Variants in OTUD6B observed in about 807,000 individuals in gnomAD.
OTUD6B encodes deubiquitinase OTUD6B.
Under a neutral mutation model 36.9 loss-of-function variants are expected in OTUD6B, and 41 were observed. The observed-to-expected ratio is 1.11, with a 90% CI of 0.87 to 1.44. The LOEUF is 1.44. Ranked by LOEUF, OTUD6B falls within the 40% of genes most tolerant of loss-of-function variation. The pLI is 0.00. For synonymous variants in OTUD6B, 114 were observed against 114.2 expected (o/e 1.00, Z 0.01); for missense variants, 356 against 344.8 (o/e 1.03, Z -0.26).
intron 3 of OTUD6B, among the ~76,000 whole-genome samples, chr8:91,075,517 CG>C (rs951319325): frequency 9.9e-5 from 15 of 152,012 alleles, no homozygotes; most frequent in African/African-American, 3.4e-4. Context: ...ACAAACAAAA[CG>C]AAAACTCCCT....
In OTUD6B at chr8:91,084,985, T is replaced by C. The variant is rs1812985509; in HGVS notation, c.*117T>C. ...ACACAACTACCTTATATCAGTTTTA[T>C]GGCAAAGCTACTAACAGGTGTTTTT... On this transcript the variant is annotated 3_prime_UTR_variant, in exon 7 of 7. Coordinates refer to ENST00000404789, the MANE Select transcript of OTUD6B (RefSeq NM_016023.5). 4.6e-6 allele frequency: 2 copies of C among 436,238 alleles called. No individual in the cohort carries two copies. Among genetic ancestry groups the C allele is most frequent in the Non-Finnish European group, 8.3e-6 (2 of 241,604 alleles). 27.0% of individuals were successfully genotyped at this position (436,238 alleles called of 1,614,324 possible). A position where few individuals can be genotyped will look rare whatever the true frequency, so the allele number is the denominator to read the frequency against.
intron 4 of OTUD6B, among the ~76,000 whole-genome samples, chr8:91,079,495 A>G (rs545345460): frequency 5.9e-5 from 9 of 152,092 alleles, no homozygotes; most frequent in Non-Finnish European, 7.4e-5. Context: ...GGCTTAAGGT[A>G]TCTGTTGATA....
At chr8:91,083,951 A>AT in intron 5 of OTUD6B, 57 bp from the exon 6 acceptor site, 1 of 1,539,674 alleles carries the variant, frequency 6.5e-7, no homozygotes, top group Non-Finnish European at 8.8e-7. Flanking sequence ...GTTCACACAT[A>AT]TTTGAATGTG....
At chr8:91,083,399 A>G (rs78732859) in intron 5 of OTUD6B, among the ~76,000 whole-genome samples, 2,197 of 152,216 alleles carry the variant, frequency 0.014, 66 homozygotes, top group African/African-American at 0.05. Flanking sequence ...TACCTAGTCT[A>G]CCCATTGCCC....
At chr8:91,074,054 T>A (rs574730485) in intron 3 of OTUD6B, 143 bp downstream of exon 3, 2 of 522,276 alleles carry the variant, frequency 3.8e-6, no homozygotes, top group East Asian at 6.3e-5. Context: ...TAACATTTAT[T>A]AAGCACCTGC....
intron 3 of OTUD6B, chr8:91,076,670 T>C: frequency 3.4e-6 from 5 of 1,453,208 alleles, no homozygotes; most frequent in Non-Finnish European, 4.7e-6. Flanking sequence ...TTTGGAAATC[T>C]TTCTGCGTGC....
At position 91,073,976 on chromosome 8, in the gene OTUD6B, A is replaced by G. The variant is rs541138478; in HGVS notation, c.315+65A>G. The stretch of plus-strand genomic sequence containing the variant: ...TGTGTTCAATACTATCTTAGGTACT[A>G]TCTTAGGTCTTGTTATAGGAAGAGA... On this transcript the variant is annotated intron_variant, in intron 3 of 6. Coordinates refer to ENST00000404789, the MANE Select transcript of OTUD6B (RefSeq NM_016023.5). 11 of 1,057,422 alleles carry G rather than the reference A, an allele frequency of 1.0e-5. No homozygotes were observed. The East Asian group carries it at 2.4e-4, about 23-fold the overall frequency. The allele number at this position is 1,057,422 out of a possible 1,614,324, so 65.5% of individuals were successfully genotyped here.
intron 3 of OTUD6B, among the ~76,000 whole-genome samples, chr8:91,074,591 A>G (rs985000989): frequency 6.6e-6 from 1 of 152,082 alleles, no homozygotes; most frequent in Non-Finnish European, 1.5e-5. Context: ...CTATAAGGAA[A>G]CTGATTTATT....
intron 5 of OTUD6B, among the ~76,000 whole-genome samples, chr8:91,082,870 G>C (rs1417166618): frequency 2.7e-5 from 4 of 149,928 alleles, no homozygotes; most frequent in African/African-American, 9.9e-5. Context: ...ATCATGCCTG[G>C]TTAATTTTTG....
chr8:91,072,467 T>G lies in OTUD6B; in HGVS notation c.234+1178T>G, dbSNP rs189678983. On this transcript the variant is annotated intron_variant, in intron 2 of 6. Coordinates refer to ENST00000404789, the MANE Select transcript of OTUD6B (RefSeq NM_016023.5). ...ACCTCACTCCATCTTTGATAGAAAG[T>G]TCTTATGTCTATGTAAAATCTTAAT... Among the ~76,000 whole-genome samples the G allele has an allele frequency of 3.3e-5, 5 of 152,336 alleles. No individual in the cohort carries two copies. The East Asian group carries it at 9.6e-4, about 29-fold the overall frequency.
chr8:91,082,616 A>T (rs1171127296), intron 5 of OTUD6B, among the ~76,000 whole-genome samples: 1 of 151,830 alleles, frequency 6.6e-6, no homozygotes, highest in Non-Finnish European at 1.5e-5. Flanking sequence ...CAAGTCTTGT[A>T]ACCCTTTTTT....
rs1812850622 is a variant in OTUD6B, at chr8:91,078,910, T to C, written c.628+242T>C. The C allele has an allele frequency of 2.8e-5, 9 of 324,280 alleles. No individual in the cohort carries two copies. The South Asian group carries it at 6.0e-4, about 22-fold the overall frequency. The allele number at this position is 324,280 out of a possible 1,614,324, so 20.1% of individuals were successfully genotyped here. ...AATATGCTAATCATTTTATGTAAGA[T>C]AGAAGTAGGAATAAGAGTCATTTTT... On this transcript the variant is annotated intron_variant, in intron 4 of 6. Coordinates refer to ENST00000404789, the MANE Select transcript of OTUD6B (RefSeq NM_016023.5).
chr8:91,070,370 G>T lies in OTUD6B; in HGVS notation c.-15G>T. 6.2e-7 allele frequency: 1 copy of T among 1,612,014 alleles called. No homozygotes were observed. Among genetic ancestry groups the T allele is most frequent in the Non-Finnish European group, 8.5e-7 (1 of 1,179,086 alleles). ...CAGGTTTCTTCTAGCGCGTGTGCTG[G>T]GGTACCTGGTCGTCATGGAGGCGGT... On this transcript the variant is annotated 5_prime_UTR_variant, in exon 1 of 7. Coordinates refer to ENST00000404789, the MANE Select transcript of OTUD6B (RefSeq NM_016023.5).
At chr8:91,073,786 A>C in intron 2 of OTUD6B, 45 bp from the exon 3 acceptor site, 2 of 1,490,974 alleles carry the variant, frequency 1.3e-6, no homozygotes, top group Non-Finnish European at 9.0e-7. Flanking sequence ...ATTTTCAGTA[A>C]TTTAATAAGT....
chr8:91,083,111 A>C (rs1039540101), intron 5 of OTUD6B, among the ~76,000 whole-genome samples: 4 of 152,182 alleles, frequency 2.6e-5, no homozygotes, highest in African/African-American at 9.6e-5. Flanking sequence ...GTATGAAATT[A>C]CTTAAAATTG....
intron 6 of OTUD6B, 62 bp from the exon 7 acceptor site, chr8:91,084,722 A>G: frequency 8.0e-7 from 1 of 1,250,794 alleles, no homozygotes; most frequent in Non-Finnish European, 1.1e-6. Context: ...TATAATAAGC[A>G]TATATATATA....
In OTUD6B at chr8:91,071,277, TAAG is replaced by T. The variant is rs771697852; in HGVS notation, c.223_225del (p.Lys75del). 1 of 1,610,398 alleles carries T rather than the reference TAAG, an allele frequency of 6.2e-7. No homozygotes were observed. Among genetic ancestry groups the T allele is most frequent in the Non-Finnish European group, 8.5e-7 (1 of 1,178,764 alleles). ...AACTGGAGCAATTGAAGCTGACTAC[TAAG>T]GAGAATAAGGTATGTGAAATAAATG... On this transcript the variant is annotated inframe_deletion, in exon 2 of 7. Coordinates refer to ENST00000404789, the MANE Select transcript of OTUD6B (RefSeq NM_016023.5).
intron 6 of OTUD6B, among the ~76,000 whole-genome samples, chr8:91,084,404 T>G (rs1812968055): frequency 6.6e-6 from 1 of 152,190 alleles, no homozygotes; most frequent in Non-Finnish European, 1.5e-5. Flanking sequence ...TTTATTTTTC[T>G]TCATTTTATG....
Position 91,080,738 on chromosome 8 carries a change from T to C in OTUD6B, c.690+8T>C. 3 of 1,588,508 alleles carry C rather than the reference T, an allele frequency of 1.9e-6. No individual in the cohort carries two copies. The South Asian group carries it at 3.4e-5, about 18-fold the overall frequency. On this transcript the variant is annotated splice_region_variant and intron_variant, in intron 5 of 6. Transcript: ENST00000404789. ...TGGGGAGGTCAGCTTGAGGTAAGTT[T>C]GTAGTTATTCATAGTGATTGTGGGT...
Sources: gnomAD v4.1 joint callset for allele counts (sites outside exome capture counted in the v4.1 genomes callset) on GRCh38, gnomAD v4.1.1 for gene constraint, MANE v1.5 for transcripts, NCBI Gene and HGNC (gene_info 2026-07-23, HGNC 2026-07-21) for gene names.